The following SCNN1A variants were observed in gnomAD, a reference collection of about 807,000 sequenced individuals.
SCNN1A encodes the protein sodium channel epithelial 1 subunit alpha.
Under a neutral mutation model 68.6 loss-of-function variants are expected in SCNN1A, and 65 were observed. The ratio of observed to expected loss-of-function variants is 0.95; its 90% CI spans 0.78 to 1.16. The LOEUF (loss-of-function observed/expected upper bound fraction) is 1.16. Among genes scored for constraint, SCNN1A ranks in the 50% most tolerant of loss-of-function variants. SCNN1A has a pLI of 0.00. For missense variants in SCNN1A, 880 were observed against 865.9 expected (o/e 1.02, Z -0.20); for synonymous variants, 357 against 353.3 (o/e 1.01, Z -0.12).
At chr12:6,377,325 G>C (rs995369312), upstream of SCNN1A, 1 of 1,434,990 alleles carries the variant, frequency 7.0e-7, no homozygotes, top group African/African-American at 1.4e-5. Flanking sequence ...TGAAGAAACT[G>C]ACCCTTCCCA....
intron 4 of SCNN1A, among the ~76,000 whole-genome samples, chr12:6,357,833 T>A (rs1456860141): frequency 6.6e-6 from 1 of 152,134 alleles, no homozygotes; most frequent in Non-Finnish European, 1.5e-5. Context: ...ACCCCATCTC[T>A]ACTAAAAATA....
chr12:6,366,084 G>A (rs1035889812), intron 2 of SCNN1A, among the ~76,000 whole-genome samples: 7 of 152,108 alleles, frequency 4.6e-5, no homozygotes, highest in African/African-American at 1.7e-4. Flanking sequence ...TCGATCTCCT[G>A]ACTTCGTGAT....
chr12:6,375,573 C>A, upstream of SCNN1A: 1 of 1,534,190 alleles, frequency 6.5e-7, no homozygotes, highest in Non-Finnish European at 8.7e-7. Context: ...CGACAGGAAT[C>A]TCATTAGCAT....
Position 6,374,973 on chromosome 12 carries a change from G to T in SCNN1A, c.-54-136C>A, listed in dbSNP as rs114961447. ...TGGCCATGCCCATGTCCCACCCTGC[G>T]CCCACATTCTCCCACTCCTCCCTCC... On this transcript the variant is annotated intron_variant, in intron 1 of 12. Coordinates refer to ENST00000228916, the MANE Select transcript of SCNN1A (RefSeq NM_001038.6). The surrounding 1 kb of genome is among the most constrained non-coding windows in gnomAD (Gnocchi z 6.2). The T allele has an allele frequency of 5.8e-6, 9 of 1,558,612 alleles. No individual in the cohort carries two copies. The highest frequency in any genetic ancestry group is 7.8e-6 in the Non-Finnish European group (9 of 1,151,214).
chr12:6,363,649 C>T lies in SCNN1A; in HGVS notation c.478G>A (p.Asp160Asn), dbSNP rs779168356. The T allele has an allele frequency of 6.2e-7, 1 of 1,612,066 alleles. No individual in the cohort carries two copies. The highest frequency in any genetic ancestry group is 8.5e-7 in the Non-Finnish European group (1 of 1,178,990). The change falls in exon 3 of 13, where the codon GAC (aspartate) becomes AAC (asparagine). Residue 160 changes from aspartate (D) to asparagine (N), a missense_variant. Physicochemically the swap from Asp to Asn is conservative, Grantham distance 23. Coordinates refer to ENST00000228916, the MANE Select transcript of SCNN1A (RefSeq NM_001038.6). ...LDRITEQTLF[D>N]LYKYSSFTTL... is the part of the protein sequence containing the mutation. The stretch of plus-strand genomic sequence containing the variant: ...GTGAAGGAGCTGTATTTGTACAGGT[C>T]AAAGAGCGTCTGCTCTGTGATGCGG...
upstream of SCNN1A, chr12:6,376,265 C>T: frequency 8.1e-6 from 7 of 865,470 alleles, no homozygotes; most frequent in South Asian, 3.2e-4. Flanking sequence ...CCCCTCCAAC[C>T]TTGTCCAGAC....
At chr12:6,357,213 T>C (rs367781583) in intron 4 of SCNN1A, among the ~76,000 whole-genome samples, 14 of 151,866 alleles carry the variant, frequency 9.2e-5, no homozygotes, top group East Asian at 5.8e-4. Context: ...GCTGCCCCCA[T>C]GGAAAGCAGG....
chr12:6,374,946 C>T lies in SCNN1A; in HGVS notation c.-54-109G>A, dbSNP rs1240718051. On this transcript the variant is annotated intron_variant, in intron 1 of 12. Transcript: ENST00000228916. This position sits in a 1 kb window ranked among gnomAD's most constrained non-coding sequence, Gnocchi z 6.2. ...CCCCTGGAACCCGAGTGAGGCTGCCCCTGGCCATGCCCATGTCCCACCCTG... is the reference window on the plus strand; with the variant it reads ...CCCCTGGAACCCGAGTGAGGCTGCCTCTGGCCATGCCCATGTCCCACCCTG... 8.9e-6 allele frequency: 14 copies of T among 1,579,446 alleles called. No individual in the cohort carries two copies. In the South Asian group the frequency reaches 1.3e-4, roughly 14 times the overall value.
rs763817965 is a variant in SCNN1A, at chr12:6,349,010, G to C, written c.1498-5C>G. 1.9e-6 allele frequency: 3 copies of C among 1,613,896 alleles called. No homozygotes were observed. The East Asian group carries it at 6.7e-5, about 36-fold the overall frequency. On this transcript the variant is annotated splice_polypyrimidine_tract_variant and splice_region_variant and intron_variant, in intron 10 of 12. Coordinates refer to ENST00000228916, the MANE Select transcript of SCNN1A (RefSeq NM_001038.6). ...TAGCATCTGGAAGACCCATTCCTAG[G>C]AAAGAATGGGGGTGTCATCAAGGTC... is the stretch of plus-strand genomic sequence containing the variant.
intron 4 of SCNN1A, among the ~76,000 whole-genome samples, chr12:6,359,764 C>CTTTTTTTTTT (rs59652159): frequency 1.3e-5 from 1 of 76,932 alleles, no homozygotes; most frequent in Non-Finnish European, 2.2e-5. Flanking sequence ...TCAGATATTC[C>CTTTTTTTTTT]TTTTTTTTTT....
rs1014590535 is a variant in SCNN1A at position 6,363,620 on chromosome 12, AGT to A, written c.505_506del (p.Thr169SerfsTer36). 4 of 1,613,094 alleles carry A rather than the reference AGT, an allele frequency of 2.5e-6. No homozygotes were observed. The Admixed American group carries it at 6.7e-5, about 27-fold the overall frequency. ...FDLYKYSSFT[T>X]LVAGSRSRRD... ...GACGGCTGCGGGAGCCGGCCACGAG[AGT>A]GGTGAAGGAGCTGTATTTGTACAGG... On this transcript the variant is annotated frameshift_variant, in exon 3 of 13. Transcript: ENST00000228916. LOFTEE classifies it high-confidence loss of function.
chr12:6,375,641 T>A (rs553876167), upstream of SCNN1A: 10 of 1,479,718 alleles, frequency 6.8e-6, no homozygotes, highest in African/African-American at 1.4e-4. Flanking sequence ...GAGCCGGGAG[T>A]TTTCCGAAGG....
At position 6,374,447 on chromosome 12, in the gene SCNN1A, G is replaced by C. The variant is rs774123732; in HGVS notation, c.337C>G (p.Pro113Ala). The C allele has an allele frequency of 1.9e-5, 31 of 1,614,076 alleles. No homozygotes were observed. Among genetic ancestry groups the C allele is most frequent in the Non-Finnish European group, 2.6e-5 (31 of 1,180,032 alleles). Residue 113 changes from proline to alanine, a missense_variant, in exon 2 of 13, where the codon CCC (proline) becomes GCC (alanine). Pro to Ala is a conservative substitution (Grantham distance 27, BLOSUM62 -1). Coordinates refer to ENST00000228916, the MANE Select transcript of SCNN1A (RefSeq NM_001038.6). This position sits in a 1 kb window ranked among gnomAD's most constrained non-coding sequence, Gnocchi z 6.2. ...GLLFGEYFSY[P>A]VSLNINLNSD... ...TTGAGGTTGATGTTGAGGCTGACGG[G>C]GTAGCTGAAGTACTCTCCGAAAAGC...
chr12:6,373,738 C>CT (rs1407599805), intron 2 of SCNN1A, among the ~76,000 whole-genome samples: 2 of 152,176 alleles, frequency 1.3e-5, no homozygotes, highest in African/African-American at 2.4e-5. Flanking sequence ...TAGCCTGGGT[C>CT]TTTTGGGGGA....
At chr12:6,366,116 T>C (rs918519573) in intron 2 of SCNN1A, among the ~76,000 whole-genome samples, 18 of 151,960 alleles carry the variant, frequency 1.2e-4, no homozygotes, top group African/African-American at 4.1e-4. Context: ...GGCCTCCCAA[T>C]GTGTTGGGAT....
chr12:6,375,126 A>AC (rs1388293672), intron 1 of SCNN1A: 2 of 1,484,318 alleles, frequency 1.3e-6, no homozygotes, highest in African/African-American at 2.8e-5. Flanking sequence ...TTGTCCTAGC[A>AC]CCTCCCTTTC....
At chr12:6,363,317 C>G in intron 3 of SCNN1A, 126 bp downstream of exon 3, 1 of 671,026 alleles carries the variant, frequency 1.5e-6, no homozygotes, top group Non-Finnish European at 2.3e-6. Flanking sequence ...TGCCCGCGAG[C>G]CCACGAGGCC....
Position 6,349,412 on chromosome 12 carries a change from G to A in SCNN1A, c.1361-7C>T, listed in dbSNP as rs535890529. 2 of 1,574,744 alleles carry A rather than the reference G, an allele frequency of 1.3e-6. No individual in the cohort carries two copies. Among genetic ancestry groups the A allele is most frequent in the East Asian group, 2.4e-5 (1 of 42,522 alleles). On this transcript the variant is annotated splice_region_variant and splice_polypyrimidine_tract_variant and intron_variant, in intron 8 of 12. Transcript: ENST00000228916. Reference sequence around the variant, plus strand: ...AGCTTATAGTAGCAGTACCCTGTGGGTACAGAGAGATGCCTGTTCTCCTAG... The same window carrying A: ...AGCTTATAGTAGCAGTACCCTGTGGATACAGAGAGATGCCTGTTCTCCTAG...
rs199526819 is a variant in SCNN1A, at chr12:6,348,197, C to T, written c.1686G>A (p.Ser562=). The T allele has an allele frequency of 4.3e-5, 70 of 1,614,128 alleles. 2 individuals are homozygous for T. The highest frequency in any genetic ancestry group is 1.2e-4 in the African/African-American group (9 of 75,014). The part of the protein sequence containing the change: ...GSQWSLWFGS[S]VLSVVEMAEL... ...CAGCCATCTCCACCACAGACAACACCGAGGAGCCGAACCACAGGCTCCACT... is the reference window on the plus strand; with the variant it reads ...CAGCCATCTCCACCACAGACAACACTGAGGAGCCGAACCACAGGCTCCACT... The change falls in exon 13 of 13, where the codon TCG becomes TCA. Residue 562 remains serine, a synonymous_variant. Coordinates refer to ENST00000228916, the MANE Select transcript of SCNN1A (RefSeq NM_001038.6).
Sources: allele counts gnomAD v4.1 joint callset (sites outside exome capture counted in the v4.1 genomes callset), GRCh38; gene constraint gnomAD v4.1.1; non-coding constraint Gnocchi (gnomAD v3.1); transcripts MANE v1.5; gene names NCBI Gene and HGNC (gene_info 2026-07-23, HGNC 2026-07-21).